RAB20: variants seen among roughly 807,000 people sequenced by gnomAD.
The protein encoded by RAB20 is ras-related protein Rab-20.
A neutral mutation model predicts 3.7 loss-of-function variants in RAB20; 2 were observed. The observed-to-expected ratio is 0.54, with a 90% CI of 0.22 to 1.69. The LOEUF is 1.69. RAB20 is among the 40% of genes most tolerant of loss of function. The pLI, the probability that RAB20 is intolerant of heterozygous loss-of-function variation, is 0.19. For missense variants in RAB20, 276 were observed against 311.9 expected (o/e 0.88, Z 0.87); for synonymous variants, 126 against 130.8 (o/e 0.96, Z 0.25).
At chr13:110,541,325 G>A (rs2477911) in intron 1 of RAB20, among the ~76,000 whole-genome samples, 53,353 of 152,030 alleles carry the variant, frequency 0.35, 10,760 homozygotes, top group African/African-American at 0.56. Flanking sequence ...TTTGGAATTA[G>A]TTAGGTTTAG....
At chr13:110,525,686 A>T (rs1884416472) in intron 1 of RAB20, among the ~76,000 whole-genome samples, 1 of 152,172 alleles carries the variant, frequency 6.6e-6, no homozygotes, top group African/African-American at 2.4e-5. Context: ...AGCAGGTGAG[A>T]GCCCCCAGCA....
intron 1 of RAB20, among the ~76,000 whole-genome samples, chr13:110,552,637 G>A (rs1437108950): frequency 6.6e-6 from 1 of 151,596 alleles, no homozygotes; most frequent in Non-Finnish European, 1.5e-5. Flanking sequence ...AGCTTGCAGT[G>A]AGCCAAGACC....
intron 1 of RAB20, among the ~76,000 whole-genome samples, chr13:110,535,559 A>G (rs1884624835): frequency 6.6e-6 from 1 of 152,236 alleles, no homozygotes; most frequent in Admixed American, 6.5e-5. Context: ...TACTGGCGAG[A>G]TTGGAACCCA....
chr13:110,561,352 G>A lies in RAB20; in HGVS notation c.168C>T (p.Thr56=). ...CTCATGCGGCGCCGGCCTCACCTGC[G>A]GTGTCCCAGATGGAGATGTTGTAGG... ...WRSYNISIWD[T]AGREQFHGLG... Residue 56 remains threonine, a synonymous_variant, in exon 1 of 2, where the codon ACC becomes ACT. Coordinates refer to ENST00000267328, the MANE Select transcript of RAB20 (RefSeq NM_017817.3). The A allele has an allele frequency of 6.2e-7, 1 of 1,601,056 alleles. No individual in the cohort carries two copies.
At chr13:110,556,905 CA>C (rs1885047771) in intron 1 of RAB20, among the ~76,000 whole-genome samples, 1 of 152,182 alleles carries the variant, frequency 6.6e-6, no homozygotes, top group African/African-American at 2.4e-5. Context: ...GAACTGGGAG[CA>C]GAGAGAGGCT....
chr13:110,536,961 G>A (rs1884655328), intron 1 of RAB20, among the ~76,000 whole-genome samples: 1 of 97,958 alleles, frequency 1.0e-5, no homozygotes, highest in Non-Finnish European at 1.8e-5. Flanking sequence ...CCCGCTATGT[G>A]ATGTTCCCCT....
intron 1 of RAB20, among the ~76,000 whole-genome samples, chr13:110,537,966 T>A (rs1264251238): frequency 1.3e-5 from 2 of 151,610 alleles, no homozygotes; most frequent in Non-Finnish European, 2.9e-5. Context: ...TCCACCAGGA[T>A]GGATCAGGAA....
chr13:110,536,726 CGG>C (rs1884645532), intron 1 of RAB20, among the ~76,000 whole-genome samples: 2 of 10,578 alleles, frequency 1.9e-4, no homozygotes, highest in African/African-American at 9.8e-4. Flanking sequence ...TTTTTTGGGG[CGG>C]TGGGGGGGGG....
intron 1 of RAB20, among the ~76,000 whole-genome samples, chr13:110,529,775 T>C (rs977297784): frequency 7.9e-5 from 12 of 152,238 alleles, no homozygotes; most frequent in African/African-American, 2.9e-4. Context: ...TCCCGCCTTT[T>C]TGCCTGGGCT....
At chr13:110,529,780 T>C (rs560106837) in intron 1 of RAB20, among the ~76,000 whole-genome samples, 1 of 152,240 alleles carries the variant, frequency 6.6e-6, no homozygotes, top group East Asian at 1.9e-4. Flanking sequence ...CCTTTTTGCC[T>C]GGGCTGTCTC....
intron 1 of RAB20, 35 bp downstream of exon 1, chr13:110,561,313 C>G (rs1214190119): frequency 9.0e-6 from 14 of 1,550,328 alleles, no homozygotes; most frequent in Non-Finnish European, 1.2e-5. Context: ...CGGCGGAGCC[C>G]CAGGGCGGTG....
At chr13:110,552,688 A>G (rs1310006283) in intron 1 of RAB20, among the ~76,000 whole-genome samples, 1 of 128,898 alleles carries the variant, frequency 7.8e-6, no homozygotes, top group Non-Finnish European at 1.6e-5. Context: ...GTGAGACTCC[A>G]TCTCAAATAA....
At chr13:110,560,013 A>G (rs749782491) in intron 1 of RAB20, among the ~76,000 whole-genome samples, 5 of 152,238 alleles carry the variant, frequency 3.3e-5, no homozygotes, top group Non-Finnish European at 7.3e-5. Flanking sequence ...CAGCAAAAGC[A>G]GCAGAGGGGC....
rs530562701 is a variant in RAB20, at chr13:110,528,036, G to A, written c.173-3839C>T. On this transcript the variant is annotated intron_variant, in intron 1 of 1. Coordinates refer to ENST00000267328, the MANE Select transcript of RAB20 (RefSeq NM_017817.3). ...GAAGACTGCTTGAGCCAAGGAGTTC[G>A]AGGCTGCAATAAGCTATGATCATGC... Among the ~76,000 whole-genome samples the A allele has an allele frequency of 9.2e-4, 140 of 152,096 alleles. 1 individual carries two copies. The highest frequency in any genetic ancestry group is 3.2e-3 in the African/African-American group (134 of 41,482).
chr13:110,551,973 G>C (rs1001564352), intron 1 of RAB20, among the ~76,000 whole-genome samples: 2 of 151,322 alleles, frequency 1.3e-5, no homozygotes, highest in Non-Finnish European at 2.9e-5. Flanking sequence ...TGTAGTCCCA[G>C]CTGAGAGGTG....
chr13:110,535,836 C>T (rs9559839), intron 1 of RAB20, among the ~76,000 whole-genome samples: 32,350 of 152,250 alleles, frequency 0.21, 4,032 homozygotes, highest in East Asian at 0.36. Context: ...GATTTCATTT[C>T]TCTCCTTGAA....
chr13:110,556,610 T>G (rs1222292618), intron 1 of RAB20, among the ~76,000 whole-genome samples: 2 of 152,144 alleles, frequency 1.3e-5, no homozygotes. Flanking sequence ...CATGGCTCAC[T>G]GCAGCCTCAA....
chr13:110,543,046 T>C (rs1318153925), intron 1 of RAB20, among the ~76,000 whole-genome samples: 1 of 152,234 alleles, frequency 6.6e-6, no homozygotes, highest in Non-Finnish European at 1.5e-5. Flanking sequence ...CAATTAGTCA[T>C]ATTGAACATT....
In RAB20 at chr13:110,523,460, C is replaced by T. The variant is rs1884367628; in HGVS notation, c.*205G>A. ...TTTGCAGAGGATTCCTGTTTCCCAC[C>T]TCCCCACCCCTCTGACAGAGACTGA... On this transcript the variant is annotated 3_prime_UTR_variant, in exon 2 of 2. Transcript: ENST00000267328. 3.9e-6 allele frequency: 4 copies of T among 1,024,844 alleles called. No individual in the cohort carries two copies. The highest frequency in any genetic ancestry group is 5.5e-6 in the Non-Finnish European group (4 of 728,230). 63.5% of individuals were successfully genotyped at this position (1,024,844 alleles called of 1,614,324 possible). A position where few individuals can be genotyped will look rare whatever the true frequency, so the allele number is the denominator to read the frequency against.
Sources: allele counts gnomAD v4.1 joint callset (sites outside exome capture counted in the v4.1 genomes callset), GRCh38; gene constraint gnomAD v4.1.1; transcripts MANE v1.5; gene names NCBI Gene and HGNC (gene_info 2026-07-23, HGNC 2026-07-21).